FAM83B: variants seen among roughly 807,000 people sequenced by gnomAD.
The protein encoded by FAM83B is scaffolding CK1 anchoring protein B, also known as protein FAM83B.
FAM83B carries 26 observed loss-of-function variants against 38.8 expected under a neutral mutation model. The ratio of observed to expected loss-of-function variants is 0.67; its 90% CI spans 0.49 to 0.93. The LOEUF is 0.93. Ranked by LOEUF, FAM83B falls within the 40% of genes least tolerant of loss-of-function variation. FAM83B has a pLI of 0.00. For synonymous variants in FAM83B, 419 were observed against 423.1 expected (o/e 0.99, Z 0.12); for missense variants, 1,237 against 1,197.3 (o/e 1.03, Z -0.49).
chr6:54,871,745 CAAAAAAA>C (rs34323872), intron 2 of FAM83B, among the ~76,000 whole-genome samples: 3 of 29,030 alleles, frequency 1.0e-4, no homozygotes, highest in African/African-American at 1.4e-4. Context: ...CCTGTCTCAC[CAAAAAAA>C]AAAAAAAAAA....
At chr6:54,887,763 A>G (rs1772311867) in intron 2 of FAM83B, among the ~76,000 whole-genome samples, 1 of 151,830 alleles carries the variant, frequency 6.6e-6, no homozygotes, top group African/African-American at 2.4e-5. Context: ...GTGTATATAT[A>G]AAATGTGTAT....
intron 1 of FAM83B, among the ~76,000 whole-genome samples, chr6:54,848,775 G>A (rs1771198972): frequency 6.6e-6 from 1 of 152,130 alleles, no homozygotes; most frequent in African/African-American, 2.4e-5. Flanking sequence ...ATCTTGGGGT[G>A]AAACTGTTAT....
rs772757932 is a variant in FAM83B, at chr6:54,870,641, T to C, written c.395T>C (p.Leu132Pro). The change falls in exon 2 of 5, where the codon CTA (leucine) becomes CCA (proline). Residue 132 changes from leucine to proline, a missense_variant. Physicochemically the swap from Leu to Pro is moderately conservative, Grantham distance 98. Coordinates refer to ENST00000306858, the MANE Select transcript of FAM83B (RefSeq NM_001010872.3). ...DLLFHPPRAH[L>P]LTIKETIRKM... ...CTTTTTCATCCACCAAGAGCACATC[T>C]ACTTACGATAAAAGAAACTATTCGG... 6.2e-6 allele frequency: 10 copies of C among 1,611,414 alleles called. No homozygotes were observed. In the East Asian group the frequency reaches 1.3e-4, roughly 22 times the overall value.
intron 2 of FAM83B, among the ~76,000 whole-genome samples, chr6:54,881,433 A>G (rs575192047): frequency 6.6e-6 from 1 of 152,312 alleles, no homozygotes; most frequent in East Asian, 1.9e-4. Context: ...TTTCATATTA[A>G]TAATCACATT....
At chr6:54,923,152 G>A (rs1331074910) in intron 2 of FAM83B, among the ~76,000 whole-genome samples, 2 of 151,810 alleles carry the variant, frequency 1.3e-5, no homozygotes, top group Non-Finnish European at 2.9e-5. Flanking sequence ...TAAATATAAG[G>A]CGTGATGTTT....
intron 2 of FAM83B, among the ~76,000 whole-genome samples, chr6:54,883,332 G>GT (rs36040247): frequency 0.018 from 1,669 of 90,454 alleles, 30 homozygotes; most frequent in East Asian, 0.045. Context: ...TTTTTTTTAA[G>GT]TTTTTTTTTT....
In FAM83B at chr6:54,941,812, T is replaced by G. The variant is rs1773706944; in HGVS notation, c.2841T>G (p.Ile947Met). The G allele has an allele frequency of 6.2e-7, 1 of 1,613,996 alleles. No homozygotes were observed. Among genetic ancestry groups the G allele is most frequent in the African/African-American group, 1.3e-5 (1 of 74,920 alleles). ...FEPFCKIESS[I>M]QPTSNMPNTS... is the part of the protein sequence containing the mutation. The stretch of plus-strand genomic sequence containing the variant: ...CGTTTTGTAAGATTGAGAGCTCTAT[T>G]CAGCCAACAAGCAACATGCCAAATA... Residue 947 changes from isoleucine (I) to methionine (M), a missense_variant, in exon 5 of 5, where the codon ATT becomes ATG. Transcript: ENST00000306858.
intron 2 of FAM83B, among the ~76,000 whole-genome samples, chr6:54,883,047 C>G (rs1772171474): frequency 6.6e-6 from 1 of 152,072 alleles, no homozygotes; most frequent in Non-Finnish European, 1.5e-5. Flanking sequence ...GGGAGCTTCT[C>G]CTGCCTCAGC....
Position 54,940,927 on chromosome 6 carries a change from G to A in FAM83B, c.1956G>A (p.Lys652=), listed in dbSNP as rs1290475377. The A allele has an allele frequency of 1.4e-5, 23 of 1,613,168 alleles. No individual in the cohort carries two copies. The highest frequency in any genetic ancestry group is 1.8e-5 in the Non-Finnish European group (21 of 1,179,848). The change falls in exon 5 of 5, where the codon AAG becomes AAA. Residue 652 remains lysine, a synonymous_variant. Coordinates refer to ENST00000306858, the MANE Select transcript of FAM83B (RefSeq NM_001010872.3). The part of the protein sequence containing the change: ...LGVNKQTENL[K]NQQTENLLKR... ...TAAATAAGCAGACAGAAAATCTAAA[G>A]AATCAACAGACTGAGAATCTACTTA...
chr6:54,851,893 C>G (rs527901922), intron 1 of FAM83B, among the ~76,000 whole-genome samples: 1 of 151,940 alleles, frequency 6.6e-6, no homozygotes, highest in Non-Finnish European at 1.5e-5. Flanking sequence ...GTGATCCTCC[C>G]GCCTCGGCCT....
chr6:54,897,006 A>G (rs9475060), intron 2 of FAM83B, among the ~76,000 whole-genome samples: 4,559 of 152,272 alleles, frequency 0.03, 236 homozygotes, highest in African/African-American at 0.1. Flanking sequence ...ATGAAAATAC[A>G]TTTGACACCA....
At chr6:54,925,243 A>G (rs1773261599) in intron 2 of FAM83B, among the ~76,000 whole-genome samples, 1 of 152,132 alleles carries the variant, frequency 6.6e-6, no homozygotes, top group East Asian at 1.9e-4. Context: ...CCAGGAACCC[A>G]TGATCCCCTA....
At chr6:54,874,756 A>C (rs1771952189) in intron 2 of FAM83B, among the ~76,000 whole-genome samples, 1 of 152,092 alleles carries the variant, frequency 6.6e-6, no homozygotes, top group South Asian at 2.1e-4. Context: ...TGAGATGTGA[A>C]TCTTACTCTT....
chr6:54,927,728 T>TAA (rs1049777485), intron 4 of FAM83B, 96 bp downstream of exon 4: 3,390 of 99,142 alleles, frequency 0.034, 424 homozygotes, highest in African/African-American at 0.19. Flanking sequence ...TTCTTAAAAG[T>TAA]AAAAAAAAAA....
chr6:54,888,307 T>C (rs1269578263), intron 2 of FAM83B, among the ~76,000 whole-genome samples: 1 of 151,944 alleles, frequency 6.6e-6, no homozygotes, highest in Non-Finnish European at 1.5e-5. Context: ...TCATTAGTTA[T>C]ATATACATAT....
intron 1 of FAM83B, among the ~76,000 whole-genome samples, chr6:54,848,662 A>G (rs959357871): frequency 1.3e-5 from 2 of 152,160 alleles, no homozygotes; most frequent in African/African-American, 2.4e-5. Flanking sequence ...TTTCTTGACC[A>G]TGACTCACCT....
At chr6:54,851,748 T>TTCAC (rs1771299548) in intron 1 of FAM83B, among the ~76,000 whole-genome samples, 1 of 134,354 alleles carries the variant, frequency 7.4e-6, no homozygotes, top group African/African-American at 2.9e-5. Context: ...CCCGGGTTCA[T>TTCAC]GCCATTCTCC....
chr6:54,884,710 G>C (rs1261997855), intron 2 of FAM83B, among the ~76,000 whole-genome samples: 1 of 151,464 alleles, frequency 6.6e-6, no homozygotes, highest in Non-Finnish European at 1.5e-5. Flanking sequence ...TATCATTGCT[G>C]TGCCAAAACC....
intron 1 of FAM83B, 118 bp from the exon 2 acceptor site, chr6:54,870,069 A>C: frequency 1.8e-6 from 1 of 568,298 alleles, no homozygotes; most frequent in Non-Finnish European, 3.1e-6. Context: ...AATATGTGTC[A>C]TTTTGAGCTT....
Sources: allele counts gnomAD v4.1 joint callset (sites outside exome capture counted in the v4.1 genomes callset), GRCh38; gene constraint gnomAD v4.1.1; transcripts MANE v1.5; gene names NCBI Gene and HGNC (gene_info 2026-07-23, HGNC 2026-07-21).